OSBPL3: variants seen among roughly 807,000 people sequenced by gnomAD.
The protein encoded by OSBPL3 is oxysterol binding protein like 3.
In OSBPL3, 65 loss-of-function variants were observed where a neutral mutation model predicts 120.1. The observed-to-expected ratio is 0.54, with a 90% confidence interval of 0.44 to 0.67. OSBPL3 has a LOEUF of 0.67. Ranked by LOEUF, OSBPL3 falls within the 30% of genes least tolerant of loss-of-function variation. OSBPL3 has a pLI of 0.00. For missense variants in OSBPL3, 1,004 were observed against 1,082.1 expected, an observed-to-expected ratio of 0.93 and a Z score of 1.01; for synonymous variants, 416 against 402.6, an observed-to-expected ratio of 1.03 and a Z score of -0.40.
In OSBPL3 at chr7:24,834,092, A is replaced by T; in HGVS notation, c.1746+394T>A. 1.0e-6 allele frequency: 1 copy of T among 994,184 alleles called. No individual in the cohort carries two copies. Among genetic ancestry groups the T allele is most frequent in the Non-Finnish European group, 1.2e-6 (1 of 833,318 alleles). The allele number at this position is 994,184 out of a possible 1,614,324, so 61.6% of individuals were successfully genotyped here. On this transcript the variant is annotated intron_variant, in intron 15 of 22. Transcript: ENST00000313367. This position sits in a 1 kb window ranked among gnomAD's most constrained non-coding sequence, Gnocchi z 5.2. The stretch of plus-strand genomic sequence containing the variant: ...CATTCTCAGGGGAAACTTACCCTGG[A>T]TGAGAAAAACAGCTCGAGAAATTAA...
At chr7:24,961,787 A>C (rs1815772168) in intron 1 of OSBPL3, among the ~76,000 whole-genome samples, 1 of 152,236 alleles carries the variant, frequency 6.6e-6, no homozygotes, top group Non-Finnish European at 1.5e-5. Flanking sequence ...ATAGTGCATT[A>C]AACAAGGAGA....
In OSBPL3 at chr7:24,833,087, C is replaced by G. The variant is rs1796588958; in HGVS notation, c.1746+1399G>C. On this transcript the variant is annotated intron_variant, in intron 15 of 22. Transcript: ENST00000313367. This position sits in a 1 kb window ranked among gnomAD's most constrained non-coding sequence, Gnocchi z 4.4. ...CTGACTTTTAACACTTGCTTAGAAG[C>G]TATTTCTAGAAGATTTGCCTTCCTT... Among the ~76,000 whole-genome samples, 1 of 152,214 alleles carries G rather than the reference C, an allele frequency of 6.6e-6. No individual in the cohort carries two copies.
intron 22 of OSBPL3, among the ~76,000 whole-genome samples, chr7:24,800,716 CA>C (rs1356676369): frequency 3.9e-5 from 6 of 151,996 alleles, no homozygotes; most frequent in African/African-American, 1.4e-4. Flanking sequence ...TTCGGACTCC[CA>C]AAGTGCTGGG....
At chr7:24,928,095 C>G (rs906400238) in intron 1 of OSBPL3, among the ~76,000 whole-genome samples, 2 of 152,272 alleles carry the variant, frequency 1.3e-5, no homozygotes, top group Middle Eastern at 3.4e-3. Context: ...GTGTCTGCTC[C>G]CCCTTCGCCT....
At chr7:24,859,219 T>C (rs1800199762) in intron 10 of OSBPL3, among the ~76,000 whole-genome samples, 1 of 152,156 alleles carries the variant, frequency 6.6e-6, no homozygotes, top group South Asian at 2.1e-4. Flanking sequence ...ATCAGTAATG[T>C]ACGAAACAAA....
chr7:24,804,329 C>T lies in OSBPL3; in HGVS notation c.2553G>A (p.Gln851=). Residue 851 remains glutamine (Q), a synonymous_variant, in exon 22 of 23, where the codon CAG becomes CAA. Transcript: ENST00000313367. The surrounding 1 kb of genome is among the most constrained non-coding windows in gnomAD (Gnocchi z 5.4). ...RVLEENHVEH[Q]PRFFRKSDDD... is the part of the protein sequence containing the mutation. ...CAGGCACGAACCTGAAAAACCGAGGCTGGTGCTCCACATGATTTTCTTCTA... is the reference window on the plus strand; with the variant it reads ...CAGGCACGAACCTGAAAAACCGAGGTTGGTGCTCCACATGATTTTCTTCTA... 1 of 1,614,210 alleles carries T rather than the reference C, an allele frequency of 6.2e-7. No homozygotes were observed. Among genetic ancestry groups the T allele is most frequent in the East Asian group, 2.2e-5 (1 of 44,884 alleles).
intron 1 of OSBPL3, among the ~76,000 whole-genome samples, chr7:24,950,045 A>C (rs1362163556): frequency 6.6e-6 from 1 of 152,212 alleles, no homozygotes; most frequent in Non-Finnish European, 1.5e-5. Flanking sequence ...TGTTTTCCCC[A>C]CAGAAATGCT....
chr7:24,936,062 A>G lies in OSBPL3; in HGVS notation c.-149-43441T>C, dbSNP rs888232251. ...CCAGGAATCTTTTTTTTTTATCACC[A>G]TTTAATTCATTCTTAAGATTTCTTC... On this transcript the variant is annotated intron_variant, in intron 1 of 22. Coordinates refer to ENST00000313367, the MANE Select transcript of OSBPL3 (RefSeq NM_015550.4). This position sits in a 1 kb window ranked among gnomAD's most constrained non-coding sequence, Gnocchi z 4.2. 1.5e-5 allele frequency among the ~76,000 whole-genome samples: 2 copies of G among 132,598 alleles called. No individual in the cohort carries two copies. The highest frequency in any genetic ancestry group is 3.0e-5 in the Non-Finnish European group (2 of 65,688). The allele number at this position is 132,598 out of a possible 152,430, so 87.0% of individuals were successfully genotyped here. A position where few individuals can be genotyped will look rare whatever the true frequency, so the allele number is the denominator to read the frequency against.
In OSBPL3 at chr7:24,872,044, A is replaced by G. The variant is rs201009431; in HGVS notation, c.122T>C (p.Leu41Pro). ...RQDSWEVVEG[L>P]RGEMNYTQEP... ...CTGGGTGTAATTCATCTCCCCCCTC[A>G]GTCCTTCCACCACTTCCCAGCTGTC... The change falls in exon 3 of 23, where the codon CTG becomes CCG. Residue 41 changes from leucine (L) to proline (P), a missense_variant. Leu to Pro is a moderately conservative substitution (Grantham distance 98). This residue lies in a region of OSBPL3 where 255 missense variants were observed against 248.7 expected (regional missense o/e 1.03). Transcript: ENST00000313367. The surrounding 1 kb of genome is among the most constrained non-coding windows in gnomAD (Gnocchi z 4.1). The G allele has an allele frequency of 3.6e-4, 587 of 1,613,308 alleles. 12 individuals are homozygous for G. In the South Asian group the frequency reaches 6.2e-3, roughly 17 times the overall value.
At chr7:24,974,154 C>T (rs533777480) in intron 1 of OSBPL3, among the ~76,000 whole-genome samples, 1 of 152,158 alleles carries the variant, frequency 6.6e-6, no homozygotes, top group Non-Finnish European at 1.5e-5. Flanking sequence ...GGCTGAATAG[C>T]CACATGCGAC....
In OSBPL3 at chr7:24,968,679, G is replaced by A. The variant is rs956527225; in HGVS notation, c.-150+11207C>T. Reference sequence around the variant, plus strand: ...CCCAAAGTGCTAGGATTACAGGTGTGAGCCACGGCGCCAGCCTCAGCCCAC... The same window carrying A: ...CCCAAAGTGCTAGGATTACAGGTGTAAGCCACGGCGCCAGCCTCAGCCCAC... On this transcript the variant is annotated intron_variant, in intron 1 of 22. Coordinates refer to ENST00000313367, the MANE Select transcript of OSBPL3 (RefSeq NM_015550.4). This position sits in a 1 kb window ranked among gnomAD's most constrained non-coding sequence, Gnocchi z 4.6. Among the ~76,000 whole-genome samples, 2 of 152,230 alleles carry A rather than the reference G, an allele frequency of 1.3e-5. No individual in the cohort carries two copies. The highest frequency in any genetic ancestry group is 2.4e-5 in the African/African-American group (1 of 41,452).
Position 24,930,607 on chromosome 7 carries a change from G to C in OSBPL3, c.-149-37986C>G, listed in dbSNP as rs1344926414. ...ACTTCAAAGGGCCTCTTACCTAAGG[G>C]GGAAATGAAGAATAAAGCCATCAAT... On this transcript the variant is annotated intron_variant, in intron 1 of 22. Transcript: ENST00000313367. This position sits in a 1 kb window ranked among gnomAD's most constrained non-coding sequence, Gnocchi z 4.4. Among the ~76,000 whole-genome samples, 3 of 152,010 alleles carry C rather than the reference G, an allele frequency of 2.0e-5. No individual in the cohort carries two copies. The highest frequency in any genetic ancestry group is 7.2e-5 in the African/African-American group (3 of 41,390).
At chr7:24,864,938 T>C (rs375494628) in intron 7 of OSBPL3, among the ~76,000 whole-genome samples, 1 of 152,164 alleles carries the variant, frequency 6.6e-6, no homozygotes, top group South Asian at 2.1e-4. Context: ...GCCCTCTGGG[T>C]GATTCTAATG....
In OSBPL3 at chr7:24,871,411, C is replaced by T. The variant is rs185859881; in HGVS notation, c.267+331G>A. The stretch of plus-strand genomic sequence containing the variant: ...CCAGGGGCTTCTCCCCGGAATCTCT[C>T]GGTCACAGTGCAAGAGGGAGGGATG... On this transcript the variant is annotated intron_variant, in intron 4 of 22. Coordinates refer to ENST00000313367, the MANE Select transcript of OSBPL3 (RefSeq NM_015550.4). This position sits in a 1 kb window ranked among gnomAD's most constrained non-coding sequence, Gnocchi z 4.8. Among the ~76,000 whole-genome samples the T allele has an allele frequency of 2.0e-4, 31 of 152,282 alleles. No homozygotes were observed. In the East Asian group the frequency reaches 2.1e-3, roughly 10 times the overall value.
chr7:24,972,439 A>G lies in OSBPL3; in HGVS notation c.-150+7447T>C, dbSNP rs1034142613. 1.5e-4 allele frequency among the ~76,000 whole-genome samples: 23 copies of G among 152,204 alleles called. No individual in the cohort carries two copies. The highest frequency in any genetic ancestry group is 9.6e-4 in the East Asian group (5 of 5,204). Reference sequence around the variant, plus strand: ...AGGGTCCCAATTAAAAGCCAGACTCATTCCCTTTGAGCCACATCTCCCCAC... The same window carrying G: ...AGGGTCCCAATTAAAAGCCAGACTCGTTCCCTTTGAGCCACATCTCCCCAC... On this transcript the variant is annotated intron_variant, in intron 1 of 22. Coordinates refer to ENST00000313367, the MANE Select transcript of OSBPL3 (RefSeq NM_015550.4). The surrounding 1 kb of genome is among the most constrained non-coding windows in gnomAD (Gnocchi z 4.3).
rs1273303845 is a variant in OSBPL3 at position 24,824,570 on chromosome 7, A to G, written c.1885-4332T>C. On this transcript the variant is annotated intron_variant, in intron 16 of 22. Coordinates refer to ENST00000313367, the MANE Select transcript of OSBPL3 (RefSeq NM_015550.4). The surrounding 1 kb of genome is among the most constrained non-coding windows in gnomAD (Gnocchi z 4.9). Reference sequence around the variant, plus strand: ...TGCCAGGTGAAGAAGTCATCCAGAGAGGGGACCAAGTGGCCATTCTTTCCA... The same window carrying G: ...TGCCAGGTGAAGAAGTCATCCAGAGGGGGGACCAAGTGGCCATTCTTTCCA... Among the ~76,000 whole-genome samples the G allele has an allele frequency of 1.3e-5, 2 of 152,188 alleles. No individual in the cohort carries two copies. Among genetic ancestry groups the G allele is most frequent in the Non-Finnish European group, 2.9e-5 (2 of 68,040 alleles).
chr7:24,914,976 G>T (rs1045281162), intron 1 of OSBPL3, among the ~76,000 whole-genome samples: 1 of 152,032 alleles, frequency 6.6e-6, no homozygotes, highest in Non-Finnish European at 1.5e-5. Flanking sequence ...ATCATACTTC[G>T]TAACCAAAAA....
At chr7:24,858,112 A>G (rs1040476844) in intron 10 of OSBPL3, among the ~76,000 whole-genome samples, 29 of 152,236 alleles carry the variant, frequency 1.9e-4, no homozygotes, top group Non-Finnish European at 4.4e-5. Context: ...TGCCATAAAA[A>G]TCAAACTCAC....
intron 1 of OSBPL3, among the ~76,000 whole-genome samples, chr7:24,893,566 C>T (rs1184686764): frequency 1.3e-5 from 2 of 152,120 alleles, no homozygotes; most frequent in Admixed American, 1.3e-4. Context: ...AATCCTAACG[C>T]TTTGGGAGGC....
Sources: allele counts gnomAD v4.1 joint callset (sites outside exome capture counted in the v4.1 genomes callset), GRCh38; gene constraint gnomAD v4.1.1; regional missense constraint gnomAD v4.1.1; non-coding constraint Gnocchi (gnomAD v3.1); transcripts MANE v1.5; gene names NCBI Gene and HGNC (gene_info 2026-07-23, HGNC 2026-07-21).